The following MUC4 variants were observed in gnomAD, a reference collection of about 807,000 sequenced individuals.
The protein encoded by MUC4 is mucin 4, cell surface associated.
Under a neutral mutation model 257.9 loss-of-function variants are expected in MUC4, and 202 were observed. That is an observed-to-expected ratio of 0.78 (90% CI 0.70 to 0.88). The LOEUF (loss-of-function observed/expected upper bound fraction) is 0.88. Ranked by LOEUF, MUC4 falls within the 40% of genes least tolerant of loss-of-function variation. The pLI, the probability that MUC4 is intolerant of heterozygous loss-of-function variation, is 0.00. For synonymous variants in MUC4, 2,351 were observed against 2,757.1 expected (o/e 0.85, Z 4.62); for missense variants, 5,976 against 6,513.7 (o/e 0.92, Z 2.84).
chr3:195,755,628 T>G lies in MUC4; in HGVS notation c.15169-1256A>C, dbSNP rs1023432663. Among the ~76,000 whole-genome samples the G allele has an allele frequency of 6.6e-6, 1 of 152,016 alleles. No individual in the cohort carries two copies. The highest frequency in any genetic ancestry group is 1.5e-5 in the Non-Finnish European group (1 of 67,986). ...CTCACCAAGCTCCCTGCGCTCCCCT[T>G]TCTAACTCCCTTACTGAAGCGACTC... On this transcript the variant is annotated intron_variant, in intron 18 of 24. Coordinates refer to ENST00000463781, the MANE Select transcript of MUC4 (RefSeq NM_018406.7). The surrounding 1 kb of genome is among the most constrained non-coding windows in gnomAD (Gnocchi z 5.0).
chr3:195,770,633 G>C, intron 5 of MUC4: 2 of 546,302 alleles, frequency 3.7e-6, no homozygotes, highest in African/African-American at 1.9e-5. Flanking sequence ...AAGCATCTTA[G>C]CTCAAACTGG....
rs150342292 is a variant in MUC4 at position 195,762,711 on chromosome 3, G to A, written c.14344+144C>T. The A allele has an allele frequency of 1.5e-4, 9 of 58,422 alleles. 2 individuals are homozygous for A. Among genetic ancestry groups the A allele is most frequent in the Non-Finnish European group, 1.8e-4 (6 of 34,244 alleles). The allele number at this position is 58,422 out of a possible 1,614,324, so 3.6% of individuals were successfully genotyped here. ...GGCCCTGCACCGCAAAGCACTCGGCGCGGCACCGCCACGCGCCCGGCCCTG... is the reference window on the plus strand; with the variant it reads ...GGCCCTGCACCGCAAAGCACTCGGCACGGCACCGCCACGCGCCCGGCCCTG... On this transcript the variant is annotated intron_variant, in intron 13 of 24. Coordinates refer to ENST00000463781, the MANE Select transcript of MUC4 (RefSeq NM_018406.7).
At chr3:195,766,784 C>T (rs368711009) in intron 7 of MUC4, 33 bp from the exon 8 acceptor site, 25 of 1,587,640 alleles carry the variant, frequency 1.6e-5, no homozygotes, top group Middle Eastern at 1.7e-4. Context: ...AGGCCTCTGC[C>T]GTGCACAGGC....
intron 6 of MUC4, chr3:195,769,652 A>G (rs1160884507): frequency 1.2e-5 from 2 of 162,362 alleles, no homozygotes; most frequent in African/African-American, 2.4e-5. Context: ...GAAATGAGTG[A>G]CTTTAGACCA....
At chr3:195,762,401 G>A in intron 13 of MUC4, 147 bp from the exon 14 acceptor site, 1 of 904,512 alleles carries the variant, frequency 1.1e-6, no homozygotes. Context: ...GAAGAGGCCG[G>A]CGAGCTGCAC....
At position 195,789,535 on chromosome 3, in the gene MUC4, A is replaced by G. The variant is rs542919815; in HGVS notation, c.2045T>C (p.Val682Ala). Residue 682 changes from valine to alanine, a missense_variant, in exon 2 of 25, where the codon GTT becomes GCT. Val to Ala is a moderately conservative substitution (Grantham distance 64). Coordinates refer to ENST00000463781, the MANE Select transcript of MUC4 (RefSeq NM_018406.7). ...TASGHSPSEIVPQDAPTISAA... is the reference protein window; with the variant it reads ...TASGHSPSEIAPQDAPTISAA... ...ACTTATGGTGGGTGCGTCCTGAGGA[A>G]CAATTTCTGAGGGCGAGTGCCCACT... is the stretch of plus-strand genomic sequence containing the variant. 6.2e-7 allele frequency: 1 copy of G among 1,613,736 alleles called. No homozygotes were observed. The highest frequency in any genetic ancestry group is 1.1e-5 in the South Asian group (1 of 91,054).
At chr3:195,792,270 A>T (rs1406252043) in intron 1 of MUC4, among the ~76,000 whole-genome samples, 5 of 152,226 alleles carry the variant, frequency 3.3e-5, no homozygotes, top group Non-Finnish European at 5.9e-5. Flanking sequence ...TTTACAAGGA[A>T]CTTAAATTTA....
At chr3:195,807,511 C>G (rs1323640185) in intron 1 of MUC4, among the ~76,000 whole-genome samples, 1 of 151,918 alleles carries the variant, frequency 6.6e-6, no homozygotes, top group East Asian at 1.9e-4. Context: ...ACAACAGCAA[C>G]AATAAAAAAA....
Position 195,791,246 on chromosome 3 carries a change from C to G in MUC4, c.334G>C (p.Glu112Gln), listed in dbSNP as rs1560404056. The G allele has an allele frequency of 1.2e-6, 2 of 1,613,188 alleles. No homozygotes were observed. Among genetic ancestry groups the G allele is most frequent in the Admixed American group, 1.7e-5 (1 of 59,978 alleles). The change falls in exon 2 of 25, where the codon GAG (glutamate) becomes CAG (glutamine). Residue 112 changes from glutamate to glutamine, a missense_variant. By Grantham distance (29) the Glu-to-Gln change is conservative. Coordinates refer to ENST00000463781, the MANE Select transcript of MUC4 (RefSeq NM_018406.7). ...FSSPSVHNVM[E>Q]TAPPDEMTTS... Reference sequence around the variant, plus strand: ...GTCATTTCATCTGGAGGAGCTGTCTCCATCACATTGTGTACACTTGGGGAA... The same window carrying G: ...GTCATTTCATCTGGAGGAGCTGTCTGCATCACATTGTGTACACTTGGGGAA...
Position 195,761,734 on chromosome 3 carries a change from G to A in MUC4, c.14513-149C>T, listed in dbSNP as rs1266376429. 7.6e-6 allele frequency: 5 copies of A among 658,054 alleles called. No homozygotes were observed. The East Asian group carries it at 1.4e-4, about 18-fold the overall frequency. 40.8% of individuals were successfully genotyped at this position (658,054 alleles called of 1,614,324 possible). On this transcript the variant is annotated intron_variant, in intron 14 of 24. Coordinates refer to ENST00000463781, the MANE Select transcript of MUC4 (RefSeq NM_018406.7). ...AGGCCTCCAGGGGAGCCGGGAGGACGGGCCCTCACACCCTGCCCGTCTGCC... is the reference window on the plus strand; with the variant it reads ...AGGCCTCCAGGGGAGCCGGGAGGACAGGCCCTCACACCCTGCCCGTCTGCC...
At chr3:195,792,514 C>T (rs542618171) in intron 1 of MUC4, among the ~76,000 whole-genome samples, 10 of 152,182 alleles carry the variant, frequency 6.6e-5, no homozygotes, top group East Asian at 1.9e-4. Flanking sequence ...GAAATAGGAA[C>T]GCTTTTACAC....
chr3:195,763,723 C>CT, intron 11 of MUC4, 82 bp from the exon 12 acceptor site: 2 of 1,339,134 alleles, frequency 1.5e-6, no homozygotes, highest in Middle Eastern at 2.1e-4. Flanking sequence ...AGGTGCGGCA[C>CT]TTGTCCAGGA....
intron 1 of MUC4, chr3:195,809,599 G>A (rs1736428325): frequency 6.6e-6 from 1 of 150,658 alleles, no homozygotes; most frequent in Admixed American, 6.6e-5. Flanking sequence ...TAGCTTCTTC[G>A]GGTCGTCATG....
chr3:195,808,822 A>G (rs1736322784), intron 1 of MUC4, among the ~76,000 whole-genome samples: 1 of 151,932 alleles, frequency 6.6e-6, no homozygotes, highest in Non-Finnish European at 1.5e-5. Flanking sequence ...AGAGGGGCAG[A>G]GGGGTCTGTG....
rs1312547259 is a variant in MUC4, at chr3:195,783,120, G to A, written c.8460C>T (p.Thr2820=). Residue 2820 remains threonine, a synonymous_variant, in exon 2 of 25, where the codon ACC becomes ACT. Transcript: ENST00000463781. ...STGHATSLPV[T]DASSVFTGHA... is the part of the protein sequence containing the mutation. ...GACCTGTGAACACTGAGGAAGCGTC[G>A]GTGACAGGAAGAGAGGTGGCGTGAC... 2.2e-5 allele frequency: 28 copies of A among 1,287,654 alleles called. 2 individuals carry two copies. Among genetic ancestry groups the A allele is most frequent in the East Asian group, 1.1e-4 (3 of 28,004 alleles). 79.8% of individuals were successfully genotyped at this position (1,287,654 alleles called of 1,614,324 possible). A position where few individuals can be genotyped will look rare whatever the true frequency, so the allele number is the denominator to read the frequency against.
rs200784241 is a variant in MUC4, at chr3:195,783,543, G to C, written c.8037C>G (p.Ser2679=). 2.7e-6 allele frequency: 1 copy of C among 375,822 alleles called. No individual in the cohort carries two copies. Among genetic ancestry groups the C allele is most frequent in the Non-Finnish European group, 4.4e-6 (1 of 227,348 alleles). 23.3% of individuals were successfully genotyped at this position (375,822 alleles called of 1,614,324 possible). Reference sequence around the variant, plus strand: ...AGGTGGCATGACCGGTGGATGCTGAGGAAGGGCTAGTGACAGGAAGAGGCG... The same window carrying C: ...AGGTGGCATGACCGGTGGATGCTGACGAAGGGCTAGTGACAGGAAGAGGCG... The part of the protein sequence containing the change: ...DTTPLPVTSP[S]SASTGHATSL... The change falls in exon 2 of 25, where the codon TCC becomes TCG. Residue 2679 remains serine (S), a synonymous_variant. Transcript: ENST00000463781.
intron 24 of MUC4, among the ~76,000 whole-genome samples, chr3:195,747,740 T>C (rs1356174430): frequency 6.6e-6 from 1 of 152,280 alleles, no homozygotes; most frequent in African/African-American, 2.4e-5. Context: ...GGTGCGCACC[T>C]GTAATCCCAG....
intron 1 of MUC4, among the ~76,000 whole-genome samples, chr3:195,807,462 T>G (rs1736127177): frequency 6.6e-6 from 1 of 152,046 alleles, no homozygotes; most frequent in Non-Finnish European, 1.5e-5. Context: ...AGAGAAACTC[T>G]GTCTCAAAAA....
chr3:195,756,024 G>T (rs1302920164), intron 18 of MUC4, among the ~76,000 whole-genome samples: 1 of 152,184 alleles, frequency 6.6e-6, no homozygotes, highest in East Asian at 1.9e-4. Context: ...ATCTTGGCTA[G>T]AAACATGGAG....
Sources: allele counts gnomAD v4.1 joint callset (sites outside exome capture counted in the v4.1 genomes callset), GRCh38; gene constraint gnomAD v4.1.1; non-coding constraint Gnocchi (gnomAD v3.1); transcripts MANE v1.5; gene names NCBI Gene and HGNC (gene_info 2026-07-23, HGNC 2026-07-21).